SP3: variants seen among roughly 807,000 people sequenced by gnomAD.
SP3 encodes Sp3 transcription factor.
A neutral mutation model predicts 70.3 loss-of-function variants in SP3; 10 were observed. That is an observed-to-expected ratio of 0.14 (90% CI 0.09 to 0.24). The LOEUF (loss-of-function observed/expected upper bound fraction) is 0.24, where lower values mean the gene tolerates loss of function less well. Among genes scored for constraint, SP3 ranks in the 10% least tolerant of loss-of-function variants. The probability of loss-of-function intolerance (pLI) is 1.00; values close to 1 mark genes in which losing one functional copy is unlikely to be tolerated. For missense variants in SP3, 825 were observed against 914.6 expected (o/e 0.90, Z 1.26); for synonymous variants, 402 against 333.5 (o/e 1.21, Z -2.24).
At chr2:173,963,574 G>A (rs1402081072) in intron 3 of SP3, among the ~76,000 whole-genome samples, 187 bp downstream of exon 3, 1 of 152,168 alleles carries the variant, frequency 6.6e-6, no homozygotes, top group Admixed American at 6.5e-5. Flanking sequence ...ACAATTTCGA[G>A]AAAGCCTGGG....
intron 1 of SP3, 133 bp from the exon 2 acceptor site, chr2:173,964,686 G>GT: frequency 5.2e-6 from 1 of 193,798 alleles, no homozygotes; most frequent in Non-Finnish European, 8.3e-6. Flanking sequence ...CCCGCCCCCC[G>GT]GCGGCGGCGG....
In SP3 at chr2:173,963,791, G is replaced by A; in HGVS notation, c.249C>T (p.Ala83=). ...SPGDDEEEAA[A]AAGAPAAAGA... is the part of the protein sequence containing the mutation. ...CGGCGGCGGCGGGGGCCCCGGCTGCGGCGGCCGCCTCCTCCTCGTCGTCGC... is the reference window on the plus strand; with the variant it reads ...CGGCGGCGGCGGGGGCCCCGGCTGCAGCGGCCGCCTCCTCCTCGTCGTCGC... The change falls in exon 3 of 7, where the codon GCC becomes GCT. Residue 83 remains alanine (A), a synonymous_variant. Transcript: ENST00000310015. The A allele has an allele frequency of 7.1e-7, 1 of 1,404,524 alleles. No homozygotes were observed. The highest frequency in any genetic ancestry group is 1.4e-5 in the South Asian group (1 of 71,476). The allele number at this position is 1,404,524 out of a possible 1,614,324, so 87.0% of individuals were successfully genotyped here.
At chr2:173,916,571 C>G (rs905839607) in intron 5 of SP3, 1 of 151,846 alleles carries the variant, frequency 6.6e-6, no homozygotes, top group African/African-American at 2.4e-5. Flanking sequence ...AATGTTCAAC[C>G]TCACCAAGTA....
chr2:173,936,212 A>C (rs1690207069), intron 4 of SP3, among the ~76,000 whole-genome samples: 1 of 152,060 alleles, frequency 6.6e-6, no homozygotes, highest in East Asian at 1.9e-4. Flanking sequence ...TTTTTAGTAG[A>C]GACAGGGTTT....
At chr2:173,922,713 A>T (rs936365221) in intron 4 of SP3, among the ~76,000 whole-genome samples, 1 of 152,182 alleles carries the variant, frequency 6.6e-6, no homozygotes, top group African/African-American at 2.4e-5. Context: ...AATACTTAAA[A>T]AGTCAAGTAA....
In SP3 at chr2:173,901,234, A is replaced by G. The variant is rs888531885; in HGVS notation, c.*8707T>C. 2.0e-5 allele frequency among the ~76,000 whole-genome samples: 3 copies of G among 150,404 alleles called. No individual in the cohort carries two copies. In the East Asian group the frequency reaches 5.8e-4, roughly 29 times the overall value. ...CAAAATCATAAAATTTTTAGACAAAAATTTTTATGACAGTAGGTAAAGAAT... is the reference window on the plus strand; with the variant it reads ...CAAAATCATAAAATTTTTAGACAAAGATTTTTATGACAGTAGGTAAAGAAT... On this transcript the variant is annotated 3_prime_UTR_variant, in exon 7 of 7. Transcript: ENST00000310015.
chr2:173,925,923 A>T (rs1457766467), intron 4 of SP3, among the ~76,000 whole-genome samples: 3 of 152,252 alleles, frequency 2.0e-5, no homozygotes, highest in African/African-American at 7.2e-5. Flanking sequence ...GCTATCCAAT[A>T]AACAGCAGGA....
rs777881198 is a variant in SP3, at chr2:173,955,276, A to G, written c.1236T>C (p.Ile412=). The change falls in exon 4 of 7, where the codon ATT becomes ATC. Residue 412 remains isoleucine, a synonymous_variant. Coordinates refer to ENST00000310015, the MANE Select transcript of SP3 (RefSeq NM_003111.5). ...ESQQPTSQAQ[I]VQGITPQTIH... ...TTGTCTGTGGTGTAATACCTTGCAC[A>G]ATTTGGGCTTGACTGGTTGGCTGCT... The G allele has an allele frequency of 4.3e-6, 7 of 1,614,108 alleles. No individual in the cohort carries two copies. Among genetic ancestry groups the G allele is most frequent in the Non-Finnish European group, 5.9e-6 (7 of 1,180,024 alleles).
rs546757353 is a variant in SP3 at position 173,952,101 on chromosome 2, A to ATTTT, written c.1639+2768_1639+2771dup. ...TTCCTTCACATGACAGGCTCACTTC[A>ATTTT]TTTTTTTTTTTTTTTTGAGGAAATA... On this transcript the variant is annotated intron_variant, in intron 4 of 6. Coordinates refer to ENST00000310015, the MANE Select transcript of SP3 (RefSeq NM_003111.5). Among the ~76,000 whole-genome samples, 563 of 140,880 alleles carry ATTTT rather than the reference A, an allele frequency of 4.0e-3. 8 individuals are homozygous for ATTTT. The highest frequency in any genetic ancestry group is 0.01 in the African/African-American group (393 of 38,654). 92.4% of individuals were successfully genotyped at this position (140,880 alleles called of 152,430 possible).
intron 6 of SP3, 144 bp downstream of exon 6, chr2:173,912,926 G>C: frequency 2.0e-6 from 1 of 501,824 alleles, no homozygotes; most frequent in Non-Finnish European, 3.3e-6. Context: ...TTATTAAGAT[G>C]GTGTTACTAA....
Position 173,910,005 on chromosome 2 carries a change from A to G in SP3, c.2282T>C (p.Ile761Thr), listed in dbSNP as rs1316474670. 3 of 1,613,852 alleles carry G rather than the reference A, an allele frequency of 1.9e-6. No individual in the cohort carries two copies. The highest frequency in any genetic ancestry group is 2.2e-5 in the East Asian group (1 of 44,894). ...TAAAGGTATTTCAGTGTTGGTAAGG[A>G]TATCTTGATTGCTGGTGGCGGAAGT... Reference protein sequence around the residue: ...VNTSATSNQDILTNTEIPLQL... With the variant: ...VNTSATSNQDTLTNTEIPLQL... Residue 761 changes from isoleucine (I) to threonine (T), a missense_variant, in exon 7 of 7, where the codon ATC becomes ACC. Coordinates refer to ENST00000310015, the MANE Select transcript of SP3 (RefSeq NM_003111.5).
chr2:173,957,467 A>T (rs1411988683), intron 3 of SP3, among the ~76,000 whole-genome samples: 1 of 152,196 alleles, frequency 6.6e-6, no homozygotes, highest in Non-Finnish European at 1.5e-5. Flanking sequence ...GTTAAAAAAG[A>T]GGCACTAATA....
chr2:173,931,831 T>G (rs1266988048), intron 4 of SP3, among the ~76,000 whole-genome samples: 2 of 152,232 alleles, frequency 1.3e-5, no homozygotes, highest in Non-Finnish European at 2.9e-5. Context: ...TCTATCAGCA[T>G]TCACAGAATT....
At chr2:173,925,531 C>T (rs979960393) in intron 4 of SP3, among the ~76,000 whole-genome samples, 2 of 152,138 alleles carry the variant, frequency 1.3e-5, no homozygotes, top group African/African-American at 4.8e-5. Flanking sequence ...CTGAACTGTA[C>T]ACTTAAAAAT....
chr2:173,926,331 A>C (rs752541291), intron 4 of SP3, among the ~76,000 whole-genome samples: 3 of 152,210 alleles, frequency 2.0e-5, no homozygotes, highest in Non-Finnish European at 2.9e-5. Flanking sequence ...TATTTAATAG[A>C]TGTACCTATT....
At chr2:173,912,024 C>T (rs1045825275) in intron 6 of SP3, among the ~76,000 whole-genome samples, 5 of 152,020 alleles carry the variant, frequency 3.3e-5, no homozygotes, top group African/African-American at 1.2e-4. Context: ...CACCATGTTG[C>T]CCAGGCTGGT....
At chr2:173,910,959 A>G (rs62172767) in intron 6 of SP3, among the ~76,000 whole-genome samples, 19,590 of 149,956 alleles carry the variant, frequency 0.13, 1,717 homozygotes, top group Non-Finnish European at 0.19. Flanking sequence ...AAGATTACCA[A>G]AAGAGAAGAC....
intron 4 of SP3, among the ~76,000 whole-genome samples, chr2:173,936,614 A>G (rs1483785982): frequency 6.6e-6 from 1 of 152,216 alleles, no homozygotes; most frequent in African/African-American, 2.4e-5. Context: ...ATGAAATACT[A>G]ATCAATACAG....
rs563164664 is a variant in SP3, at chr2:173,948,835, G to A, written c.1639+6038C>T. Among the ~76,000 whole-genome samples the A allele has an allele frequency of 8.5e-5, 13 of 152,068 alleles. No individual in the cohort carries two copies. In the South Asian group the frequency reaches 2.7e-3, roughly 32 times the overall value. On this transcript the variant is annotated intron_variant, in intron 4 of 6. Coordinates refer to ENST00000310015, the MANE Select transcript of SP3 (RefSeq NM_003111.5). The stretch of plus-strand genomic sequence containing the variant: ...CAGAATATGAATAGGTTTTCCCCAA[G>A]CATTAAAATAAAAATCTTAATTTCT...
Sources: allele counts gnomAD v4.1 joint callset (sites outside exome capture counted in the v4.1 genomes callset), GRCh38; gene constraint gnomAD v4.1.1; transcripts MANE v1.5; gene names NCBI Gene and HGNC (gene_info 2026-07-23, HGNC 2026-07-21).